VWC2L: variants seen among roughly 807,000 people sequenced by gnomAD.
VWC2L encodes the protein von Willebrand factor C domain-containing protein 2-like.
A neutral mutation model predicts 21.6 loss-of-function variants in VWC2L; 10 were observed. The ratio of observed to expected loss-of-function variants is 0.46; its 90% confidence interval spans 0.29 to 0.78. VWC2L has a LOEUF of 0.78. VWC2L is among the 30% of genes least tolerant of loss of function. The pLI, the probability that VWC2L is intolerant of heterozygous loss-of-function variation, is 0.10. For missense variants in VWC2L, 209 were observed against 277.1 expected (o/e 0.75, Z 1.74); for synonymous variants, 96 against 94.3 (o/e 1.02, Z -0.10).
intron 3 of VWC2L, among the ~76,000 whole-genome samples, chr2:214,443,250 T>C (rs1187101720): frequency 6.6e-6 from 1 of 152,066 alleles, no homozygotes; most frequent in Non-Finnish European, 1.5e-5. Context: ...TGTGTGCCTG[T>C]AATCCCAGCT....
chr2:214,414,696 A>G (rs561706774), intron 2 of VWC2L, 113 bp downstream of exon 2: 11 of 1,197,842 alleles, frequency 9.2e-6, no homozygotes, highest in African/African-American at 6.2e-5. Flanking sequence ...TTCCCTTTAA[A>G]TTATACAATT....
intron 3 of VWC2L, among the ~76,000 whole-genome samples, chr2:214,481,361 T>C (rs895118871): frequency 6.6e-6 from 1 of 152,184 alleles, no homozygotes; most frequent in Non-Finnish European, 1.5e-5. Flanking sequence ...TACTGAATTA[T>C]GAGAGACTAT....
chr2:214,559,129 G>A (rs984102998), intron 3 of VWC2L, among the ~76,000 whole-genome samples: 1 of 149,156 alleles, frequency 6.7e-6, no homozygotes, highest in South Asian at 2.1e-4. Context: ...ATGAACTCAA[G>A]CAAATTTACA....
intron 3 of VWC2L, among the ~76,000 whole-genome samples, chr2:214,565,544 T>C (rs376326703): frequency 1.3e-5 from 2 of 152,210 alleles, no homozygotes; most frequent in African/African-American, 2.4e-5. Flanking sequence ...AAAATCCACA[T>C]AGAAAAGATT....
intron 3 of VWC2L, among the ~76,000 whole-genome samples, chr2:214,484,874 T>C (rs1342325671): frequency 6.6e-6 from 1 of 152,188 alleles, no homozygotes; most frequent in East Asian, 1.9e-4. Flanking sequence ...CAAAATTCCA[T>C]ACCAATGAGC....
At chr2:214,562,600 T>C (rs193081897) in intron 3 of VWC2L, among the ~76,000 whole-genome samples, 1 of 152,330 alleles carries the variant, frequency 6.6e-6, no homozygotes, top group Admixed American at 6.5e-5. Flanking sequence ...CTTATTTACA[T>C]TTCCACCAAC....
intron 2 of VWC2L, among the ~76,000 whole-genome samples, chr2:214,429,795 C>CTT (rs1418805148): frequency 6.6e-6 from 1 of 151,800 alleles, no homozygotes; most frequent in Non-Finnish European, 1.5e-5. Context: ...ATTTTTAAAA[C>CTT]TTTACCAAAA....
At chr2:214,541,275 A>G (rs1689622346) in intron 3 of VWC2L, among the ~76,000 whole-genome samples, 1 of 144,534 alleles carries the variant, frequency 6.9e-6, no homozygotes, top group Admixed American at 7.0e-5. Flanking sequence ...TCTTGGTACC[A>G]CCCAAATGGA....
At chr2:214,494,764 T>A (rs1434522490) in intron 3 of VWC2L, among the ~76,000 whole-genome samples, 3 of 151,134 alleles carry the variant, frequency 2.0e-5, no homozygotes, top group African/African-American at 4.8e-5. Flanking sequence ...GTGTTTTTTT[T>A]ATAGCACTAG....
intron 2 of VWC2L, among the ~76,000 whole-genome samples, chr2:214,423,591 G>A (rs1702475054): frequency 6.6e-6 from 1 of 152,036 alleles, no homozygotes. Flanking sequence ...CTATCACCAT[G>A]ACAACACAGA....
intron 3 of VWC2L, among the ~76,000 whole-genome samples, chr2:214,484,747 G>A (rs1688653284): frequency 1.3e-5 from 2 of 152,136 alleles, no homozygotes; most frequent in Admixed American, 6.5e-5. Flanking sequence ...GGTTGCCTAA[G>A]ACATGGTAAA....
At chr2:214,516,822 A>G (rs1422209183) in intron 3 of VWC2L, among the ~76,000 whole-genome samples, 2 of 152,208 alleles carry the variant, frequency 1.3e-5, no homozygotes, top group African/African-American at 2.4e-5. Flanking sequence ...GAGCCCTGTG[A>G]TCTTAATACA....
rs200368809 is a variant in VWC2L at position 214,570,108 on chromosome 2, C to CA, written c.521-5564_521-5563insA. 7.1e-3 allele frequency among the ~76,000 whole-genome samples: 1,079 copies of CA among 152,160 alleles called. 11 individuals are homozygous for CA. The highest frequency in any genetic ancestry group is 9.6e-3 in the Non-Finnish European group (654 of 68,004). ...ATTTTAAATGCTTTTTCTCTGATTA[C>CA]TAGATACACTGGAAGGTGCTTTATG... On this transcript the variant is annotated intron_variant, in intron 3 of 3. Coordinates refer to ENST00000312504, the MANE Select transcript of VWC2L (RefSeq NM_001080500.4).
At chr2:214,416,120 C>T (rs901816377) in intron 2 of VWC2L, among the ~76,000 whole-genome samples, 23 of 152,146 alleles carry the variant, frequency 1.5e-4, no homozygotes, top group African/African-American at 5.5e-4. Context: ...ATTGTAGGAA[C>T]AGCGTTTCAT....
chr2:214,565,377 A>T (rs1333019438), intron 3 of VWC2L, among the ~76,000 whole-genome samples: 1 of 152,172 alleles, frequency 6.6e-6, no homozygotes. Context: ...AACCAATGAA[A>T]GCACTTACCA....
chr2:214,500,499 T>A (rs1688876974), intron 3 of VWC2L, among the ~76,000 whole-genome samples: 1 of 152,212 alleles, frequency 6.6e-6, no homozygotes, highest in South Asian at 2.1e-4. Context: ...CCATTTCATC[T>A]GTATTCCAGG....
At chr2:214,465,222 C>T (rs1703199211) in intron 3 of VWC2L, among the ~76,000 whole-genome samples, 1 of 152,188 alleles carries the variant, frequency 6.6e-6, no homozygotes, top group Non-Finnish European at 1.5e-5. Context: ...ATGGTCACCA[C>T]AGCTGGGAAT....
chr2:214,514,620 A>G (rs1294233601), intron 3 of VWC2L, among the ~76,000 whole-genome samples: 14 of 152,196 alleles, frequency 9.2e-5, no homozygotes, highest in Non-Finnish European at 1.5e-5. Flanking sequence ...CATTTTTGCA[A>G]TCCTGTGTCC....
intron 3 of VWC2L, among the ~76,000 whole-genome samples, chr2:214,440,471 T>C (rs959433475): frequency 1.3e-5 from 2 of 152,090 alleles, no homozygotes; most frequent in African/African-American, 4.8e-5. Flanking sequence ...TGTGAATTAA[T>C]GAGCACTCTT....
Sources: gnomAD v4.1 joint callset for allele counts (sites outside exome capture counted in the v4.1 genomes callset) on GRCh38, gnomAD v4.1.1 for gene constraint, MANE v1.5 for transcripts, NCBI Gene and HGNC (gene_info 2026-07-23, HGNC 2026-07-21) for gene names.